SGK1: variants seen among roughly 807,000 people sequenced by gnomAD.
SGK1 encodes the protein serum/glucocorticoid regulated kinase 1.
A neutral mutation model predicts 64.2 loss-of-function variants in SGK1; 26 were observed. The observed-to-expected ratio is 0.40, with a 90% confidence interval of 0.30 to 0.56. The LOEUF is 0.56. Among genes scored for constraint, SGK1 ranks in the 20% least tolerant of loss-of-function variants. The pLI is 0.38. For missense variants in SGK1, 519 were observed against 645.6 expected, an observed-to-expected ratio of 0.80 and a Z score of 2.12; for synonymous variants, 265 against 239.7, an observed-to-expected ratio of 1.11 and a Z score of -0.98.
chr6:134,244,476 G>T (rs544732462), intron 2 of SGK1, among the ~76,000 whole-genome samples: 1 of 152,230 alleles, frequency 6.6e-6, no homozygotes, highest in African/African-American at 2.4e-5. Context: ...AATCCTTTGG[G>T]TATAAAGGAT....
intron 2 of SGK1, among the ~76,000 whole-genome samples, chr6:134,245,791 G>A (rs555047875): frequency 6.6e-6 from 1 of 152,300 alleles, no homozygotes; most frequent in African/African-American, 2.4e-5. Context: ...AGGAGTTCCA[G>A]ACCAGCCCAG....
chr6:134,242,056 C>T (rs141106198), intron 2 of SGK1, among the ~76,000 whole-genome samples: 13 of 152,246 alleles, frequency 8.5e-5, no homozygotes, highest in Non-Finnish European at 1.9e-4. Flanking sequence ...ATTAATGTGG[C>T]TAAGTGAGAA....
chr6:134,198,106 G>A (rs192368136), intron 3 of SGK1, among the ~76,000 whole-genome samples: 2 of 152,166 alleles, frequency 1.3e-5, no homozygotes, highest in East Asian at 3.9e-4. Context: ...CTGTGTCCTT[G>A]TTCTTTTCAA....
At chr6:134,191,305 A>G (rs1326419837) in intron 3 of SGK1, among the ~76,000 whole-genome samples, 1 of 152,204 alleles carries the variant, frequency 6.6e-6, no homozygotes, top group Non-Finnish European at 1.5e-5. Context: ...CTTAAGAAAC[A>G]GGAACATCCC....
chr6:134,212,140 G>A (rs1775902345), intron 2 of SGK1, among the ~76,000 whole-genome samples: 1 of 151,474 alleles, frequency 6.6e-6, no homozygotes, highest in South Asian at 2.1e-4. Context: ...TGCGAGCTCC[G>A]CCTCCCGGGT....
intron 1 of SGK1, among the ~76,000 whole-genome samples, chr6:134,293,196 A>G (rs1332683909): frequency 6.6e-6 from 1 of 152,202 alleles, no homozygotes; most frequent in East Asian, 1.9e-4. Flanking sequence ...AAATCTCACT[A>G]TTACATTGAA....
intron 2 of SGK1, among the ~76,000 whole-genome samples, chr6:134,222,662 G>A (rs892353274): frequency 6.6e-6 from 1 of 152,104 alleles, no homozygotes; most frequent in African/African-American, 2.4e-5. Flanking sequence ...ATGACTGGCT[G>A]TTTTCATCTT....
At chr6:134,231,208 C>T in intron 2 of SGK1, among the ~76,000 whole-genome samples, 1 of 152,030 alleles carries the variant, frequency 6.6e-6, no homozygotes. Context: ...AAACCAAAAT[C>T]CCAAAAGATA....
intron 1 of SGK1, among the ~76,000 whole-genome samples, chr6:134,262,473 C>T (rs114495399): frequency 1.3e-5 from 2 of 150,886 alleles, no homozygotes; most frequent in Non-Finnish European, 2.9e-5. Flanking sequence ...GGGTTTCACT[C>T]TGTTGCCCAG....
At chr6:134,216,184 T>C (rs1026057561) in intron 2 of SGK1, among the ~76,000 whole-genome samples, 1 of 152,220 alleles carries the variant, frequency 6.6e-6, no homozygotes, top group Non-Finnish European at 1.5e-5. Context: ...GGTTTGTCTC[T>C]GATTCCTTTT....
At chr6:134,194,843 G>A (rs6569933) in intron 3 of SGK1, among the ~76,000 whole-genome samples, 2,247 of 152,168 alleles carry the variant, frequency 0.015, 51 homozygotes, top group African/African-American at 0.051. Context: ...TCTTTCCACA[G>A]TATTATGTAT....
chr6:134,175,031 T>G, intron 3 of SGK1: 1 of 794,124 alleles, frequency 1.3e-6, no homozygotes, highest in South Asian at 2.6e-5. Flanking sequence ...CTGTCCCCAT[T>G]GAGAGGGCGA....
At chr6:134,227,026 G>T (rs1011418779) in intron 2 of SGK1, among the ~76,000 whole-genome samples, 1 of 152,090 alleles carries the variant, frequency 6.6e-6, no homozygotes, top group Admixed American at 6.6e-5. Context: ...AAAGCGTTGT[G>T]GTGTTTTCAC....
intron 3 of SGK1, among the ~76,000 whole-genome samples, chr6:134,188,432 G>A (rs151139581): frequency 3.9e-5 from 6 of 152,180 alleles, no homozygotes; most frequent in Non-Finnish European, 5.9e-5. Context: ...CTCACTGTGC[G>A]GGTATCTTTT....
intron 3 of SGK1, among the ~76,000 whole-genome samples, chr6:134,192,766 G>C (rs62423847): frequency 1.1e-4 from 17 of 151,924 alleles, no homozygotes; most frequent in Non-Finnish European, 2.1e-4. Context: ...TCACCATGTT[G>C]GCCAGGCTGG....
Position 134,206,798 on chromosome 6 carries a change from T to C in SGK1, c.361+558A>G, listed in dbSNP as rs571004942. 1.3e-4 allele frequency among the ~76,000 whole-genome samples: 17 copies of C among 131,088 alleles called. 1 individual carries two copies. Among genetic ancestry groups the C allele is most frequent in the South Asian group, 2.4e-4 (1 of 4,112 alleles). The allele number at this position is 131,088 out of a possible 152,430, so 86.0% of individuals were successfully genotyped here. ...AGGAGAATCGCTTGAACCCTGGAGG[T>C]GGAGGTTGCAGTGAGCCGAGATCGT... On this transcript the variant is annotated intron_variant, in intron 3 of 13. Coordinates refer to ENST00000367858, the MANE Select transcript of SGK1 (RefSeq NM_001143676.3).
intron 1 of SGK1, among the ~76,000 whole-genome samples, chr6:134,272,307 ATTTTTTTT>A (rs527544494): frequency 8.4e-6 from 1 of 119,440 alleles, no homozygotes; most frequent in African/African-American, 3.0e-5. Flanking sequence ...TGACCAGCTA[ATTTTTTTT>A]TTTTTTTTTT....
intron 2 of SGK1, among the ~76,000 whole-genome samples, chr6:134,244,910 G>A (rs1582738871): frequency 6.6e-6 from 1 of 152,208 alleles, no homozygotes; most frequent in African/African-American, 2.4e-5. Flanking sequence ...TGAGTGGCTA[G>A]GATTACAGGC....
intron 2 of SGK1, chr6:134,257,088 G>T (rs1423541792): frequency 6.6e-6 from 1 of 152,340 alleles, no homozygotes; most frequent in African/African-American, 2.4e-5. Flanking sequence ...AAGCAGGATC[G>T]GACCTGGCTG....
Sources: allele counts gnomAD v4.1 joint callset (sites outside exome capture counted in the v4.1 genomes callset), GRCh38; gene constraint gnomAD v4.1.1; transcripts MANE v1.5; gene names NCBI Gene and HGNC (gene_info 2026-07-23, HGNC 2026-07-21).